PSMF1: variants seen among roughly 807,000 people sequenced by gnomAD.
PSMF1 encodes proteasome inhibitor subunit 1, also known as proteasome inhibitor PI31 subunit.
PSMF1 carries 30 observed loss-of-function variants against 29.3 expected under a neutral mutation model. The observed-to-expected ratio is 1.02, with a 90% confidence interval of 0.77 to 1.39. The LOEUF (loss-of-function observed/expected upper bound fraction) is 1.39, where lower values mean the gene tolerates loss of function less well. Among genes scored for constraint, PSMF1 ranks in the 40% most tolerant of loss-of-function variants. PSMF1 has a pLI of 0.00. For synonymous variants in PSMF1, 134 were observed against 139.7 expected (o/e 0.96, Z 0.29); for missense variants, 344 against 357.5 (o/e 0.96, Z 0.31).
intron 4 of PSMF1, among the ~76,000 whole-genome samples, chr20:1,139,497 C>T (rs1049410878): frequency 2.0e-5 from 3 of 151,924 alleles, no homozygotes; most frequent in Admixed American, 6.5e-5. Flanking sequence ...AGGAATCCTC[C>T]GAAAAACAGA....
intron 1 of PSMF1, among the ~76,000 whole-genome samples, chr20:1,122,520 G>A (rs1473786127): frequency 2.0e-5 from 3 of 151,884 alleles, no homozygotes; most frequent in Non-Finnish European, 4.4e-5. Flanking sequence ...GGCTGGTCTC[G>A]AACTCCTGAA....
chr20:1,147,710 T>G (rs1199301225), intron 4 of PSMF1, among the ~76,000 whole-genome samples: 1 of 152,210 alleles, frequency 6.6e-6, no homozygotes, highest in Non-Finnish European at 1.5e-5. Context: ...CACTCCCTGC[T>G]TATTCCTTGG....
At chr20:1,150,536 A>G (rs943114146) in intron 4 of PSMF1, among the ~76,000 whole-genome samples, 1 of 151,754 alleles carries the variant, frequency 6.6e-6, no homozygotes, top group African/African-American at 2.4e-5. Flanking sequence ...TTTTTTCTCG[A>G]AGTTTACTAG....
chr20:1,164,410 C>T lies in PSMF1; in HGVS notation c.698C>T (p.Pro233Leu), dbSNP rs768510005. Residue 233 changes from proline (P) to leucine (L), a missense_variant, in exon 6 of 7, where the codon CCT becomes CTT. Pro to Leu is a moderately conservative substitution (Grantham distance 98). Transcript: ENST00000335877. This position sits in a 1 kb window ranked among gnomAD's most constrained non-coding sequence, Gnocchi z 4.1. ...DPSSGLPNRL[P>L]PGAVPPGARF... ...TCCTCAGGCCTCCCGAACCGACTTC[C>T]TCCAGGCGCTGTGCCCCCAGGAGCT... The T allele has an allele frequency of 2.5e-6, 4 of 1,614,104 alleles. No individual in the cohort carries two copies. In the South Asian group the frequency reaches 4.4e-5, roughly 18 times the overall value.
Position 1,118,738 on chromosome 20 carries a change from C to T in PSMF1, c.-36C>T, listed in dbSNP as rs775097088. ...CCGGCTCACTGCACTACCCCCGCCC[C>T]CTTCTTTCCTCCAGACGCCGAAGTC... On this transcript the variant is annotated 5_prime_UTR_variant, in exon 1 of 7. Coordinates refer to ENST00000335877, the MANE Select transcript of PSMF1 (RefSeq NM_006814.5). 6 of 1,601,570 alleles carry T rather than the reference C, an allele frequency of 3.7e-6. No homozygotes were observed. Among genetic ancestry groups the T allele is most frequent in the Non-Finnish European group, 2.6e-6 (3 of 1,173,112 alleles).
intron 4 of PSMF1, among the ~76,000 whole-genome samples, chr20:1,143,966 G>A (rs1318940062): frequency 6.6e-6 from 1 of 152,158 alleles, no homozygotes; most frequent in Non-Finnish European, 1.5e-5. Flanking sequence ...GTGCATGCCT[G>A]TAGTCCCAGC....
intron 4 of PSMF1, chr20:1,161,106 T>C: frequency 2.1e-6 from 1 of 467,314 alleles, no homozygotes; most frequent in Non-Finnish European, 3.6e-6. Context: ...CCATCCTGCG[T>C]CTGGACCTGG....
chr20:1,131,736 T>C (rs1371042549), intron 3 of PSMF1, among the ~76,000 whole-genome samples: 2 of 152,252 alleles, frequency 1.3e-5, no homozygotes, highest in South Asian at 2.1e-4. Context: ...TGTTCCATTC[T>C]GCTGTACCCT....
chr20:1,120,299 A>G (rs2086070192), intron 1 of PSMF1, among the ~76,000 whole-genome samples: 1 of 152,008 alleles, frequency 6.6e-6, no homozygotes, highest in Non-Finnish European at 1.5e-5. Flanking sequence ...TCATCTCTCA[A>G]ATGGGCTCTA....
At chr20:1,150,002 G>A (rs981109401) in intron 4 of PSMF1, among the ~76,000 whole-genome samples, 112 of 146,244 alleles carry the variant, frequency 7.7e-4, no homozygotes, top group Middle Eastern at 3.5e-3. Context: ...TCCAGCCTGG[G>A]CAACATGGTG....
At chr20:1,154,451 C>T (rs2086568912) in intron 4 of PSMF1, among the ~76,000 whole-genome samples, 1 of 152,176 alleles carries the variant, frequency 6.6e-6, no homozygotes, top group African/African-American at 2.4e-5. Flanking sequence ...GCCCTGTGAC[C>T]AGTGCTTCTC....
chr20:1,135,108 C>A lies in PSMF1; in HGVS notation c.366-13C>A. 2 of 1,614,096 alleles carry A rather than the reference C, an allele frequency of 1.2e-6. No individual in the cohort carries two copies. The highest frequency in any genetic ancestry group is 1.7e-6 in the Non-Finnish European group (2 of 1,179,930). ...CAACTGCAAGCAGTTGACTCTTCAT[C>A]TGCTTCCTGCAGGACCTACAAGAAC... On this transcript the variant is annotated splice_polypyrimidine_tract_variant and intron_variant, in intron 3 of 6. Coordinates refer to ENST00000335877, the MANE Select transcript of PSMF1 (RefSeq NM_006814.5).
In PSMF1 at chr20:1,166,071, G is replaced by C; in HGVS notation, c.*991G>C. 6 of 1,507,792 alleles carry C rather than the reference G, an allele frequency of 4.0e-6. No individual in the cohort carries two copies. Among genetic ancestry groups the C allele is most frequent in the Admixed American group, 4.2e-5 (2 of 47,932 alleles). 93.4% of individuals were successfully genotyped at this position (1,507,792 alleles called of 1,614,324 possible). The stretch of plus-strand genomic sequence containing the variant: ...TTCCCTTGAACCTTGTGTGGTTCTT[G>C]CCTAACTCTGTGGTTTTTGGACCCC... On this transcript the variant is annotated 3_prime_UTR_variant, in exon 7 of 7. Coordinates refer to ENST00000335877, the MANE Select transcript of PSMF1 (RefSeq NM_006814.5).
Position 1,165,306 on chromosome 20 carries a change from C to G in PSMF1, c.*226C>G, listed in dbSNP as rs2086715566. ...CAAAGAGAAATCAGTGTGTCTCTTT[C>G]ACCATCAGCTCCTCCCCTTTCACCA... On this transcript the variant is annotated 3_prime_UTR_variant, in exon 7 of 7. Coordinates refer to ENST00000335877, the MANE Select transcript of PSMF1 (RefSeq NM_006814.5). 3.6e-6 allele frequency: 5 copies of G among 1,406,270 alleles called. No individual in the cohort carries two copies. The highest frequency in any genetic ancestry group is 4.6e-6 in the Non-Finnish European group (5 of 1,083,496). 87.1% of individuals were successfully genotyped at this position (1,406,270 alleles called of 1,614,324 possible).
rs771212362 is a variant in PSMF1 at position 1,135,242 on chromosome 20, G to T, written c.487G>T (p.Ala163Ser). 10 of 1,614,032 alleles carry T rather than the reference G, an allele frequency of 6.2e-6. No homozygotes were observed. The highest frequency in any genetic ancestry group is 1.7e-5 in the Admixed American group (1 of 60,024). ...CCACCGGGAGTTCCCCCCTGCTACC[G>T]CCAGAGAGGTGGACCCACTCCGGAT... Reference protein sequence around the residue: ...SPHREFPPATAREVDPLRIPP... With the variant: ...SPHREFPPATSREVDPLRIPP... Residue 163 changes from alanine to serine, a missense_variant, in exon 4 of 7, where the codon GCC becomes TCC. Coordinates refer to ENST00000335877, the MANE Select transcript of PSMF1 (RefSeq NM_006814.5).
rs1157440221 is a variant in PSMF1 at position 1,118,609 on chromosome 20, C to T, written c.-165C>T. The T allele has an allele frequency of 9.6e-6, 8 of 837,588 alleles. No individual in the cohort carries two copies. The East Asian group carries it at 2.3e-4, about 24-fold the overall frequency. 51.9% of individuals were successfully genotyped at this position (837,588 alleles called of 1,614,324 possible). On this transcript the variant is annotated 5_prime_UTR_variant, in exon 1 of 7. Coordinates refer to ENST00000335877, the MANE Select transcript of PSMF1 (RefSeq NM_006814.5). ...GCTGTTGGGACTACTTCCGGCTTCC[C>T]CGCCCCGCCCCGTCCCCGGGCGTCT...
At chr20:1,127,344 A>G in intron 2 of PSMF1, 82 bp from the exon 3 acceptor site, 1 of 1,035,568 alleles carries the variant, frequency 9.7e-7, no homozygotes, top group Non-Finnish European at 1.5e-6. Context: ...CTTTAGGTTG[A>G]AGACTTTGTT....
At chr20:1,137,988 G>A (rs930585410) in intron 4 of PSMF1, among the ~76,000 whole-genome samples, 1 of 152,146 alleles carries the variant, frequency 6.6e-6, no homozygotes, top group Non-Finnish European at 1.5e-5. Flanking sequence ...AATTATTGAA[G>A]TTAGGCGGGA....
At chr20:1,151,280 C>T (rs575433271) in intron 4 of PSMF1, among the ~76,000 whole-genome samples, 54 of 152,246 alleles carry the variant, frequency 3.5e-4, no homozygotes, top group Admixed American at 3.5e-3. Context: ...AAGGGCTATC[C>T]CCATTTTGCA....
Sources: gnomAD v4.1 joint callset for allele counts (sites outside exome capture counted in the v4.1 genomes callset) on GRCh38, gnomAD v4.1.1 for gene constraint, Gnocchi (gnomAD v3.1) non-coding constraint, MANE v1.5 for transcripts, NCBI Gene and HGNC (gene_info 2026-07-23, HGNC 2026-07-21) for gene names.